Variants in MTHFD1L observed in about 807,000 individuals in gnomAD.
MTHFD1L encodes monofunctional C1-tetrahydrofolate synthase, mitochondrial.
MTHFD1L carries 81 observed loss-of-function variants against 119.5 expected under a neutral mutation model. The observed-to-expected ratio is 0.68, with a 90% CI of 0.57 to 0.82. The LOEUF (loss-of-function observed/expected upper bound fraction) is 0.82. Ranked by LOEUF, MTHFD1L falls within the 40% of genes least tolerant of loss-of-function variation. The pLI, the probability that MTHFD1L is intolerant of heterozygous loss-of-function variation, is 0.00. For missense variants in MTHFD1L, 1,125 were observed against 1,253.4 expected (o/e 0.90, Z 1.55); for synonymous variants, 430 against 475.2 (o/e 0.90, Z 1.24).
chr6:150,885,576 G>GT (rs1705978980), intron 5 of MTHFD1L, 58 bp from the exon 6 acceptor site: 1 of 1,269,480 alleles, frequency 7.9e-7, no homozygotes, highest in East Asian at 2.3e-5. Context: ...TACATTACAC[G>GT]TGAGTGATTT....
intron 2 of MTHFD1L, 108 bp downstream of exon 2, chr6:150,876,282 C>T (rs1780429424): frequency 2.3e-6 from 2 of 883,252 alleles, no homozygotes; most frequent in Non-Finnish European, 3.3e-6. Context: ...GGAGAGGGCT[C>T]AGTTGGCAAT....
chr6:151,029,457 TATAG>T (rs1011713275), intron 24 of MTHFD1L, among the ~76,000 whole-genome samples: 23 of 150,948 alleles, frequency 1.5e-4, no homozygotes, highest in South Asian at 1.5e-3. Flanking sequence ...ATACATATTA[TATAG>T]ATAGATAGAT....
At chr6:150,936,577 C>A (rs1792095177) in intron 11 of MTHFD1L, among the ~76,000 whole-genome samples, 1 of 152,180 alleles carries the variant, frequency 6.6e-6, no homozygotes, top group African/African-American at 2.4e-5. Context: ...TTAGCACTGC[C>A]TAATACCTTT....
chr6:151,038,803 T>C (rs1204775386), intron 26 of MTHFD1L, among the ~76,000 whole-genome samples: 1 of 151,910 alleles, frequency 6.6e-6, no homozygotes, highest in Non-Finnish European at 1.5e-5. Context: ...CCTCCTACCG[T>C]GGGGGCCGGG....
intron 11 of MTHFD1L, among the ~76,000 whole-genome samples, chr6:150,932,185 A>AAG (rs1554253693): frequency 3.2e-4 from 47 of 148,538 alleles, no homozygotes; most frequent in African/African-American, 1.2e-3. Context: ...AAAAAAAAAA[A>AAG]GCATCATTCC....
chr6:151,101,395 C>T (rs553834020), intron 27 of MTHFD1L, 131 bp from the exon 28 acceptor site: 1 of 152,314 alleles, frequency 6.6e-6, no homozygotes, highest in African/African-American at 2.4e-5. Flanking sequence ...CCTTATCTAG[C>T]GAACCATCAC....
At chr6:150,946,243 T>A (rs1426789736) in intron 15 of MTHFD1L, among the ~76,000 whole-genome samples, 226 of 101,616 alleles carry the variant, frequency 2.2e-3, no homozygotes, top group Non-Finnish European at 3.8e-3. Flanking sequence ...TCTGCCTTCC[T>A]GGTTCAAGTG....
intron 1 of MTHFD1L, among the ~76,000 whole-genome samples, chr6:150,871,079 TTA>T (rs1181192531): frequency 1.4e-5 from 2 of 144,760 alleles, no homozygotes; most frequent in African/African-American, 5.0e-5. Context: ...TATACCTTAA[TTA>T]TATATATACA....
chr6:150,957,897 G>T (rs1221861227), intron 17 of MTHFD1L, among the ~76,000 whole-genome samples: 3 of 152,158 alleles, frequency 2.0e-5, no homozygotes, highest in Non-Finnish European at 4.4e-5. Context: ...TATGCCAACT[G>T]TTGGCATTAG....
intron 7 of MTHFD1L, among the ~76,000 whole-genome samples, chr6:150,902,751 G>C (rs934790737): frequency 6.6e-6 from 1 of 152,126 alleles, no homozygotes; most frequent in Non-Finnish European, 1.5e-5. Flanking sequence ...AAGATTTATA[G>C]GTAATGAAAA....
intron 24 of MTHFD1L, among the ~76,000 whole-genome samples, chr6:151,031,116 A>G (rs887810175): frequency 1.6e-4 from 25 of 152,218 alleles, no homozygotes; most frequent in Non-Finnish European, 1.0e-4. Flanking sequence ...CATTCCTGGC[A>G]CCATATTCAG....
chr6:151,028,510 G>A (rs559272420), intron 24 of MTHFD1L, among the ~76,000 whole-genome samples: 13 of 152,150 alleles, frequency 8.5e-5, no homozygotes, highest in African/African-American at 2.4e-4. Context: ...CCTATCACAC[G>A]GATGAACCTT....
intron 26 of MTHFD1L, among the ~76,000 whole-genome samples, chr6:151,072,752 C>T (rs1033638911): frequency 3.9e-5 from 6 of 152,076 alleles, no homozygotes; most frequent in East Asian, 1.9e-4. Flanking sequence ...TTGCAGTGAG[C>T]GGAGATTGTG....
At chr6:151,043,074 C>T (rs1338460840) in intron 26 of MTHFD1L, among the ~76,000 whole-genome samples, 3 of 152,192 alleles carry the variant, frequency 2.0e-5, no homozygotes, top group African/African-American at 4.8e-5. Flanking sequence ...AGAGCTAGAA[C>T]GTTTCCATAA....
rs1389312999 is a variant in MTHFD1L at position 150,947,987 on chromosome 6, G to GT, written c.1624-1035dup. ...TTCACTCAAAGTTCAGTTTAGTTTA[G>GT]TTTTTTTTTGTTTGTTTTTTGTTTT... On this transcript the variant is annotated intron_variant, in intron 15 of 27. Coordinates refer to ENST00000367321, the MANE Select transcript of MTHFD1L (RefSeq NM_015440.5). Among the ~76,000 whole-genome samples the GT allele has an allele frequency of 5.3e-5, 8 of 151,300 alleles. No homozygotes were observed. In the South Asian group the frequency reaches 8.4e-4, roughly 16 times the overall value.
chr6:150,946,638 G>C (rs1793990127), intron 15 of MTHFD1L, among the ~76,000 whole-genome samples: 1 of 152,102 alleles, frequency 6.6e-6, no homozygotes, highest in Non-Finnish European at 1.5e-5. Context: ...CAACCTTACT[G>C]GTTGGTATTA....
intron 20 of MTHFD1L, among the ~76,000 whole-genome samples, chr6:150,982,228 TAA>T (rs879460946): frequency 6.8e-6 from 1 of 146,144 alleles, no homozygotes; most frequent in Non-Finnish European, 1.5e-5. Context: ...ATTTAACATG[TAA>T]AAAAAAAAAG....
At chr6:150,933,514 T>C (rs1414497171) in intron 11 of MTHFD1L, among the ~76,000 whole-genome samples, 1 of 152,092 alleles carries the variant, frequency 6.6e-6, no homozygotes, top group East Asian at 1.9e-4. Context: ...ATCTGCTGTT[T>C]AGACAGATGC....
chr6:150,983,544 G>A (rs1777841759), intron 20 of MTHFD1L, among the ~76,000 whole-genome samples: 1 of 152,090 alleles, frequency 6.6e-6, no homozygotes, highest in South Asian at 2.1e-4. Context: ...AGCATCCAAG[G>A]CGAGTGCAGA....
Sources: gnomAD v4.1 joint callset for allele counts (sites outside exome capture counted in the v4.1 genomes callset) on GRCh38, gnomAD v4.1.1 for gene constraint, MANE v1.5 for transcripts, NCBI Gene and HGNC (gene_info 2026-07-23, HGNC 2026-07-21) for gene names.